PPA2: variants seen among roughly 807,000 people sequenced by gnomAD.
The protein encoded by PPA2 is inorganic pyrophosphatase 2, mitochondrial.
Under a neutral mutation model 49.5 loss-of-function variants are expected in PPA2, and 48 were observed. The observed-to-expected ratio is 0.97, with a 90% CI of 0.77 to 1.23. The LOEUF is 1.23. Ranked by LOEUF, PPA2 falls within the 50% of genes most tolerant of loss-of-function variation. The pLI is 0.00. For synonymous variants in PPA2, 131 were observed against 139.9 expected (o/e 0.94, Z 0.45); for missense variants, 429 against 410.1 (o/e 1.05, Z -0.40).
At chr4:105,458,931 T>G (rs1162220666) in intron 1 of PPA2, among the ~76,000 whole-genome samples, 2 of 151,828 alleles carry the variant, frequency 1.3e-5, no homozygotes, top group Non-Finnish European at 2.9e-5. Context: ...TTAGCACTTA[T>G]CACTAGAATT....
chr4:105,441,685 C>A (rs1724368060), intron 5 of PPA2, among the ~76,000 whole-genome samples: 1 of 152,072 alleles, frequency 6.6e-6, no homozygotes, highest in Admixed American at 6.5e-5. Context: ...AAGCTACAAA[C>A]AACCTATCAA....
intron 1 of PPA2, among the ~76,000 whole-genome samples, chr4:105,468,562 C>T (rs888107143): frequency 7.9e-5 from 12 of 152,194 alleles, no homozygotes; most frequent in African/African-American, 2.2e-4. Flanking sequence ...AGAACAGTAG[C>T]GATGAAAGCC....
At position 105,470,641 on chromosome 4, in the gene PPA2, T is replaced by C. The variant is rs138259412; in HGVS notation, c.157+3253A>G. Among the ~76,000 whole-genome samples the C allele has an allele frequency of 3.3e-5, 5 of 152,382 alleles. No individual in the cohort carries two copies. The South Asian group carries it at 8.3e-4, about 25-fold the overall frequency. The stretch of plus-strand genomic sequence containing the variant: ...CAGAATCTAATAATAAGGATTTTAG[T>C]CTAATGTCTTAAAGTCAAAAGGGAA... On this transcript the variant is annotated intron_variant, in intron 1 of 11. Coordinates refer to ENST00000341695, the MANE Select transcript of PPA2 (RefSeq NM_176869.3).
chr4:105,388,001 A>G (rs934627884), intron 9 of PPA2, among the ~76,000 whole-genome samples: 6 of 151,966 alleles, frequency 3.9e-5, no homozygotes, highest in South Asian at 4.1e-4. Flanking sequence ...TTTTAACATT[A>G]TAACTAAACC....
chr4:105,454,630 A>G (rs1316827392), intron 2 of PPA2, among the ~76,000 whole-genome samples: 3 of 152,118 alleles, frequency 2.0e-5, no homozygotes, highest in African/African-American at 7.2e-5. Flanking sequence ...CACCGCACCC[A>G]GCCATTATTT....
chr4:105,458,254 T>C (rs1225170015), intron 1 of PPA2, among the ~76,000 whole-genome samples: 1 of 152,106 alleles, frequency 6.6e-6, no homozygotes, highest in Non-Finnish European at 1.5e-5. Context: ...AACTAGATCC[T>C]GGAACAGAAA....
intron 3 of PPA2, among the ~76,000 whole-genome samples, chr4:105,452,009 G>C (rs899659893): frequency 6.6e-6 from 1 of 152,344 alleles, no homozygotes; most frequent in Non-Finnish European, 1.5e-5. Context: ...AGTTGTGTAT[G>C]TGGCAAGGAC....
Position 105,461,497 on chromosome 4 carries a change from C to T in PPA2, c.158-4752G>A, listed in dbSNP as rs1305939717. 2.0e-5 allele frequency among the ~76,000 whole-genome samples: 3 copies of T among 152,086 alleles called. No homozygotes were observed. In the East Asian group the frequency reaches 5.8e-4, roughly 29 times the overall value. Reference sequence around the variant, plus strand: ...TGGTATCAGCATCTGTGGAGTCTTTCGAAAGGGCTGGTTTCTATTTAGCCC... The same window carrying T: ...TGGTATCAGCATCTGTGGAGTCTTTTGAAAGGGCTGGTTTCTATTTAGCCC... On this transcript the variant is annotated intron_variant, in intron 1 of 11. Transcript: ENST00000341695.
At chr4:105,457,642 T>C (rs1485425478) in intron 1 of PPA2, among the ~76,000 whole-genome samples, 3 of 152,166 alleles carry the variant, frequency 2.0e-5, no homozygotes, top group Non-Finnish European at 2.9e-5. Flanking sequence ...GGCATGATCA[T>C]GGCTCACTGC....
At chr4:105,402,819 C>A (rs1464091256) in intron 7 of PPA2, among the ~76,000 whole-genome samples, 1 of 152,016 alleles carries the variant, frequency 6.6e-6, no homozygotes, top group East Asian at 1.9e-4. Context: ...AGGGCCTAGA[C>A]AAACGTAGTT....
chr4:105,398,158 G>A (rs1414922370), intron 8 of PPA2: 1 of 151,274 alleles, frequency 6.6e-6, no homozygotes, highest in Non-Finnish European at 1.5e-5. Flanking sequence ...TACCATATAG[G>A]TTTAAAATTT....
intron 7 of PPA2, among the ~76,000 whole-genome samples, chr4:105,401,357 C>T (rs550226766): frequency 2.0e-5 from 3 of 152,168 alleles, no homozygotes; most frequent in South Asian, 4.1e-4. Context: ...TTCTTCTATA[C>T]TGCATAGTAA....
At chr4:105,406,738 T>C (rs1722493658) in intron 7 of PPA2, among the ~76,000 whole-genome samples, 1 of 152,134 alleles carries the variant, frequency 6.6e-6, no homozygotes, top group Non-Finnish European at 1.5e-5. Context: ...CCTGAGAATA[T>C]TGTTATTTTC....
rs3733614 is a variant in PPA2 at position 105,456,147 on chromosome 4, T to G, written c.222+534A>C. The stretch of plus-strand genomic sequence containing the variant: ...GAACAGCTATTCAAACACCACCATT[T>G]TTACCCCTGCTTTATTTCTCTAACA... On this transcript the variant is annotated intron_variant, in intron 2 of 11. Coordinates refer to ENST00000341695, the MANE Select transcript of PPA2 (RefSeq NM_176869.3). 6.0e-5 allele frequency: 25 copies of G among 413,978 alleles called. No homozygotes were observed. In the East Asian group the frequency reaches 1.2e-3, roughly 20 times the overall value. The allele number at this position is 413,978 out of a possible 1,614,324, so 25.6% of individuals were successfully genotyped here.
intron 5 of PPA2, among the ~76,000 whole-genome samples, chr4:105,440,577 A>ACACAT (rs1346715977): frequency 6.6e-6 from 1 of 152,184 alleles, no homozygotes; most frequent in Non-Finnish European, 1.5e-5. Flanking sequence ...GGATCTTTAG[A>ACACAT]CACATTCTAG....
intron 10 of PPA2, among the ~76,000 whole-genome samples, chr4:105,379,527 G>A (rs1386566910): frequency 6.6e-6 from 1 of 151,732 alleles, no homozygotes; most frequent in Non-Finnish European, 1.5e-5. Context: ...GCAATGGCAT[G>A]ATCCTGACTC....
At position 105,456,584 on chromosome 4, in the gene PPA2, C is replaced by T; in HGVS notation, c.222+97G>A. On this transcript the variant is annotated intron_variant, in intron 2 of 11. Coordinates refer to ENST00000341695, the MANE Select transcript of PPA2 (RefSeq NM_176869.3). ...TAACTCCTGTTTGTCCTCCTGACTT[C>T]CAACAACACTTTTTCCTTTCAAGGT... 3.0e-6 allele frequency: 3 copies of T among 1,007,592 alleles called. 1 individual carries two copies. The highest frequency in any genetic ancestry group is 4.4e-4 in the Middle Eastern group (2 of 4,546). The allele number at this position is 1,007,592 out of a possible 1,614,324, so 62.4% of individuals were successfully genotyped here.
rs935945913 is a variant in PPA2 at position 105,415,702 on chromosome 4, T to G, written c.655+8494A>C. On this transcript the variant is annotated intron_variant, in intron 7 of 11. Transcript: ENST00000341695. The stretch of plus-strand genomic sequence containing the variant: ...CCTGTTCCTGGCTCCTGTAGCCCGG[T>G]GGAGTGTGCAGCCTTGGCTGTGCCT... Among the ~76,000 whole-genome samples, 12 of 152,282 alleles carry G rather than the reference T, an allele frequency of 7.9e-5. No homozygotes were observed. In the Middle Eastern group the frequency reaches 0.01, roughly 129 times the overall value.
At chr4:105,425,762 A>ACACACACC (rs1367711764) in intron 6 of PPA2, among the ~76,000 whole-genome samples, 31 of 140,044 alleles carry the variant, frequency 2.2e-4, no homozygotes, top group African/African-American at 9.5e-4. Context: ...ACACACACAC[A>ACACACACC]CCCATCAGAA....
Sources: gnomAD v4.1 joint callset for allele counts (sites outside exome capture counted in the v4.1 genomes callset) on GRCh38, gnomAD v4.1.1 for gene constraint, MANE v1.5 for transcripts, NCBI Gene and HGNC (gene_info 2026-07-23, HGNC 2026-07-21) for gene names.